DISC1: variants seen among roughly 807,000 people sequenced by gnomAD.
DISC1 encodes disrupted in schizophrenia 1 protein.
Under a neutral mutation model 84.5 loss-of-function variants are expected in DISC1, and 57 were observed. The ratio of observed to expected loss-of-function variants is 0.67; its 90% CI spans 0.55 to 0.84. The LOEUF (loss-of-function observed/expected upper bound fraction) is 0.84. DISC1 is among the 40% of genes least tolerant of loss of function. The pLI is 0.00. For synonymous variants in DISC1, 411 were observed against 415.2 expected (o/e 0.99, Z 0.12); for missense variants, 1,000 against 1,057.8 (o/e 0.95, Z 0.76).
At chr1:231,692,524 G>T (rs976210176) in intron 1 of DISC1, among the ~76,000 whole-genome samples, 1 of 152,214 alleles carries the variant, frequency 6.6e-6, no homozygotes, top group Admixed American at 6.5e-5. Context: ...GATCCTTAAT[G>T]CCTAGTGATC....
chr1:231,964,208 C>T (rs1660779643), intron 10 of DISC1, among the ~76,000 whole-genome samples: 1 of 152,000 alleles, frequency 6.6e-6, no homozygotes, highest in Non-Finnish European at 1.5e-5. Flanking sequence ...ACAGGGGTTC[C>T]CAATAAACAT....
intron 2 of DISC1, among the ~76,000 whole-genome samples, chr1:231,697,802 G>A (rs1330120502): frequency 6.6e-6 from 1 of 151,990 alleles, no homozygotes; most frequent in Non-Finnish European, 1.5e-5. Context: ...TGATGTACAC[G>A]CTTTCTACTT....
chr1:231,680,030 C>T (rs2063534013), intron 1 of DISC1, among the ~76,000 whole-genome samples: 1 of 152,136 alleles, frequency 6.6e-6, no homozygotes, highest in African/African-American at 2.4e-5. Flanking sequence ...GAGTTTGAGA[C>T]CAGCCTGGCC....
At chr1:231,722,991 G>A (rs949587107) in intron 3 of DISC1, 17 of 1,154,254 alleles carry the variant, frequency 1.5e-5, no homozygotes, top group African/African-American at 1.1e-4. Flanking sequence ...ATTAAACTTC[G>A]GAGGCCTTTA....
intron 3 of DISC1, among the ~76,000 whole-genome samples, chr1:231,724,537 G>A (rs530383348): frequency 6.6e-6 from 1 of 152,308 alleles, no homozygotes; most frequent in African/African-American, 2.4e-5. Context: ...GGAGAGGGGA[G>A]GTAAAGAGTT....
rs148429619 is a variant in DISC1, at chr1:231,869,322, C to G, written c.1981+50805C>G. Among the ~76,000 whole-genome samples, 12 of 152,056 alleles carry G rather than the reference C, an allele frequency of 7.9e-5. No individual in the cohort carries two copies. In the East Asian group the frequency reaches 2.3e-3, roughly 29 times the overall value. ...TGCTGGTTGTCTTGAGTGTGAAGTG[C>G]AAAAAGTAAAAATGGCCCTCAACAA... is the stretch of plus-strand genomic sequence containing the variant. On this transcript the variant is annotated intron_variant, in intron 9 of 12. Transcript: ENST00000439617.
chr1:231,666,715 G>A (rs763855291), intron 1 of DISC1, among the ~76,000 whole-genome samples: 12 of 151,986 alleles, frequency 7.9e-5, no homozygotes, highest in Non-Finnish European at 1.5e-4. Context: ...CTGTGACCTC[G>A]CCAGCTTGAA....
chr1:231,895,513 T>C (rs555671169), intron 9 of DISC1, among the ~76,000 whole-genome samples: 1 of 152,226 alleles, frequency 6.6e-6, no homozygotes, highest in South Asian at 2.1e-4. Context: ...GTTACAGTTG[T>C]CATACTTTTA....
intron 10 of DISC1, among the ~76,000 whole-genome samples, chr1:231,974,907 T>C (rs1662565610): frequency 6.6e-6 from 1 of 152,138 alleles, no homozygotes; most frequent in African/African-American, 2.4e-5. Flanking sequence ...AAGACCATCC[T>C]GGCTAACATG....
At chr1:231,640,122 T>A (rs1379512303) in intron 1 of DISC1, among the ~76,000 whole-genome samples, 1 of 152,096 alleles carries the variant, frequency 6.6e-6, no homozygotes, top group African/African-American at 2.4e-5. Context: ...CTCAGAGAAT[T>A]TTGGATTTTG....
chr1:231,801,377 G>A (rs143025682), intron 8 of DISC1, among the ~76,000 whole-genome samples: 1 of 152,322 alleles, frequency 6.6e-6, no homozygotes, highest in African/African-American at 2.4e-5. Flanking sequence ...GGATGAGTCT[G>A]TGTTAAGCCC....
intron 9 of DISC1, among the ~76,000 whole-genome samples, chr1:231,879,872 G>T (rs1293322642): frequency 6.6e-6 from 1 of 152,196 alleles, no homozygotes; most frequent in East Asian, 1.9e-4. Flanking sequence ...CTATGTCCAA[G>T]TGGGAATCAA....
At chr1:231,725,048 G>T (rs889453795) in intron 3 of DISC1, among the ~76,000 whole-genome samples, 2 of 152,032 alleles carry the variant, frequency 1.3e-5, no homozygotes, top group African/African-American at 4.8e-5. Flanking sequence ...CTCCCTCGTG[G>T]CCTGTTATGG....
At chr1:231,810,192 G>A (rs1006418518) in intron 8 of DISC1, among the ~76,000 whole-genome samples, 1 of 152,324 alleles carries the variant, frequency 6.6e-6, no homozygotes, top group Admixed American at 6.5e-5. Flanking sequence ...CAGAACAGCA[G>A]GGGCTGGCTC....
chr1:231,799,948 T>C (rs78440001), intron 7 of DISC1, among the ~76,000 whole-genome samples, 160 bp from the exon 8 acceptor site: 3,485 of 106,150 alleles, frequency 0.033, 261 homozygotes, highest in Non-Finnish European at 0.052. Context: ...TTCTTTGTCT[T>C]TCTTTTTCCA....
intron 6 of DISC1, among the ~76,000 whole-genome samples, chr1:231,775,075 AG>A (rs1348850057): frequency 6.6e-6 from 1 of 152,242 alleles, no homozygotes; most frequent in Non-Finnish European, 1.5e-5. Flanking sequence ...TCTTATAAAG[AG>A]AAGTTGCAGA....
intron 10 of DISC1, among the ~76,000 whole-genome samples, chr1:231,975,609 A>G (rs1433091521): frequency 1.3e-5 from 2 of 152,228 alleles, no homozygotes; most frequent in African/African-American, 2.4e-5. Flanking sequence ...ACACAATGAA[A>G]TACATAAAAT....
At chr1:231,948,904 C>CGAT (rs1227095716) in intron 9 of DISC1, among the ~76,000 whole-genome samples, 3 of 125,272 alleles carry the variant, frequency 2.4e-5, no homozygotes, top group Admixed American at 9.7e-5. Context: ...AGTCTCAACT[C>CGAT]TGTTGCCCAG....
At position 231,681,349 on chromosome 1, in the gene DISC1, G is replaced by A. The variant is rs192314433; in HGVS notation, c.68-12477G>A. Among the ~76,000 whole-genome samples, 210 of 152,228 alleles carry A rather than the reference G, an allele frequency of 1.4e-3. 2 individuals carry two copies. Among genetic ancestry groups the A allele is most frequent in the Admixed American group, 2.7e-3 (42 of 15,302 alleles). On this transcript the variant is annotated intron_variant, in intron 1 of 12. Coordinates refer to ENST00000439617, the MANE Select transcript of DISC1 (RefSeq NM_018662.3). The stretch of plus-strand genomic sequence containing the variant: ...GAGAGTTGAGACTGTATTGGTCAGT[G>A]GAGAACATAGATAGAGTGTCTATGT...
Sources: allele counts gnomAD v4.1 joint callset (sites outside exome capture counted in the v4.1 genomes callset), GRCh38; gene constraint gnomAD v4.1.1; transcripts MANE v1.5; gene names NCBI Gene and HGNC (gene_info 2026-07-23, HGNC 2026-07-21).